LPIN1: variants seen among roughly 807,000 people sequenced by gnomAD.
LPIN1 encodes lipin 1, also known as phosphatidate phosphatase LPIN1.
Under a neutral mutation model 107.5 loss-of-function variants are expected in LPIN1, and 71 were observed. That is an observed-to-expected ratio of 0.66 (90% confidence interval 0.55 to 0.80). The LOEUF (loss-of-function observed/expected upper bound fraction) is 0.80. Among genes scored for constraint, LPIN1 ranks in the 30% least tolerant of loss-of-function variants. The pLI, the probability that LPIN1 is intolerant of heterozygous loss-of-function variation, is 0.00. For synonymous variants in LPIN1, 445 were observed against 452.6 expected, an observed-to-expected ratio of 0.98 and a Z score of 0.21; for missense variants, 1,043 against 1,160.6, an observed-to-expected ratio of 0.90 and a Z score of 1.47.
At chr2:11,746,201 G>A (rs955779763), upstream of LPIN1, 2 of 152,360 alleles carry the variant, frequency 1.3e-5, no homozygotes, top group Non-Finnish European at 2.9e-5. Flanking sequence ...GAAGGGCGAG[G>A]GTCAGTAAAG....
intron 1 of LPIN1, among the ~76,000 whole-genome samples, chr2:11,738,765 A>G (rs1666045165): frequency 6.6e-6 from 1 of 152,204 alleles, no homozygotes; most frequent in African/African-American, 2.4e-5. Flanking sequence ...TAGAATTTGC[A>G]GGGCAGAGAT....
chr2:11,677,592 G>A, upstream of LPIN1: 3 of 1,315,262 alleles, frequency 2.3e-6, no homozygotes, highest in South Asian at 1.3e-5. Context: ...GTTGCCGGGG[G>A]ACATTTCTCT....
At chr2:11,787,674 G>A (rs1674880529) in intron 11 of LPIN1, among the ~76,000 whole-genome samples, 1 of 152,062 alleles carries the variant, frequency 6.6e-6, no homozygotes, top group African/African-American at 2.4e-5. Context: ...GGGCGCAGTG[G>A]CTGGCGCCTG....
chr2:11,801,604 T>C (rs989084983), intron 14 of LPIN1, among the ~76,000 whole-genome samples: 2 of 151,744 alleles, frequency 1.3e-5, no homozygotes. Context: ...CTGGGAAGGG[T>C]AGAGGGGAGA....
chr2:11,788,124 G>A (rs965415300), intron 11 of LPIN1, among the ~76,000 whole-genome samples: 6 of 152,112 alleles, frequency 3.9e-5, no homozygotes, highest in African/African-American at 1.4e-4. Context: ...GCAGCTGTAC[G>A]GTGGGATTTG....
chr2:11,755,831 C>T (rs759987682), intron 1 of LPIN1, among the ~76,000 whole-genome samples: 49 of 152,042 alleles, frequency 3.2e-4, no homozygotes, highest in Non-Finnish European at 5.7e-4. Context: ...AAGCGACTCT[C>T]CTGCCTCAGC....
At chr2:11,821,546 G>A (rs1174660128) in intron 20 of LPIN1, among the ~76,000 whole-genome samples, 1 of 152,192 alleles carries the variant, frequency 6.6e-6, no homozygotes, top group Non-Finnish European at 1.5e-5. Flanking sequence ...GGCCTTAGTG[G>A]CCCCAGATAG....
At chr2:11,725,085 T>C (rs144015240) in intron 1 of LPIN1, among the ~76,000 whole-genome samples, 4,002 of 151,942 alleles carry the variant, frequency 0.026, 118 homozygotes, top group African/African-American at 0.075. Flanking sequence ...AACAGTGAAA[T>C]CCCATCTCTA....
At chr2:11,695,093 T>C (rs73179375) in intron 1 of LPIN1, among the ~76,000 whole-genome samples, 5,507 of 152,316 alleles carry the variant, frequency 0.036, 163 homozygotes, top group African/African-American at 0.08. Flanking sequence ...TGAGAGCCTA[T>C]GATGTGCTGA....
At chr2:11,792,850 G>A (rs868122051) in intron 13 of LPIN1, among the ~76,000 whole-genome samples, 1 of 152,124 alleles carries the variant, frequency 6.6e-6, no homozygotes. Context: ...TGAAGCGCTT[G>A]CTTTGCTTGG....
upstream of LPIN1, among the ~76,000 whole-genome samples, chr2:11,721,176 T>C (rs1265639872): frequency 1.3e-5 from 2 of 152,060 alleles, no homozygotes; most frequent in Non-Finnish European, 2.9e-5. Context: ...TAATTCCTTC[T>C]TATGAAATGA....
intron 1 of LPIN1, among the ~76,000 whole-genome samples, chr2:11,733,085 C>T (rs1306889219): frequency 1.3e-5 from 2 of 152,122 alleles, no homozygotes; most frequent in Non-Finnish European, 2.9e-5. Context: ...CATTCCCACT[C>T]CCCAGAAATG....
chr2:11,766,327 A>C (rs1335411551), intron 2 of LPIN1, among the ~76,000 whole-genome samples: 1 of 152,172 alleles, frequency 6.6e-6, no homozygotes, highest in East Asian at 1.9e-4. Flanking sequence ...GGGAGGAGAA[A>C]TAGGCTTTTC....
intron 14 of LPIN1, 58 bp downstream of exon 14, chr2:11,795,545 C>T (rs1382044220): frequency 2.0e-5 from 29 of 1,441,408 alleles, no homozygotes; most frequent in African/African-American, 2.8e-5. Context: ...AAGTTCATGG[C>T]GTGTGCTGCC....
Position 11,697,061 on chromosome 2 carries a change from T to G in LPIN1, c.82-16695T>G, listed in dbSNP as rs1662623370. 6.6e-6 allele frequency among the ~76,000 whole-genome samples: 1 copy of G among 152,234 alleles called. No homozygotes were observed. The highest frequency in any genetic ancestry group is 1.5e-5 in the Non-Finnish European group (1 of 68,050). On this transcript the variant is annotated intron_variant, in intron 1 of 21. Transcript: ENST00000449576. This position sits in a 1 kb window ranked among gnomAD's most constrained non-coding sequence, Gnocchi z 4.6. ...CCCCCACCTGTGGCCCAGGGAAGGC[T>G]CTTTGTTCCTCAGCCCCAAGCTGTA... is the stretch of plus-strand genomic sequence containing the variant.
At chr2:11,775,834 A>G (rs1672572319) in intron 5 of LPIN1, among the ~76,000 whole-genome samples, 1 of 148,404 alleles carries the variant, frequency 6.7e-6, no homozygotes, top group African/African-American at 2.5e-5. Flanking sequence ...TACGTAATAT[A>G]TATAATCTTT....
chr2:11,730,199 G>A (rs1049844944), intron 1 of LPIN1, among the ~76,000 whole-genome samples: 1 of 151,958 alleles, frequency 6.6e-6, no homozygotes, highest in Admixed American at 6.6e-5. Flanking sequence ...CTGTGTTTCA[G>A]TTTGGGTAAT....
chr2:11,752,433 ATTTTT>A (rs34156190), intron 1 of LPIN1, among the ~76,000 whole-genome samples: 1 of 103,914 alleles, frequency 9.6e-6, no homozygotes, highest in African/African-American at 5.7e-5. Flanking sequence ...TTCCAAGGCC[ATTTTT>A]TTTTTTTTTT....
chr2:11,723,970 G>A (rs953679295), upstream of LPIN1: 1 of 152,014 alleles, frequency 6.6e-6, no homozygotes, highest in African/African-American at 2.4e-5. Context: ...AAACTTAGCC[G>A]AGATACCATC....
Sources: allele counts gnomAD v4.1 joint callset (sites outside exome capture counted in the v4.1 genomes callset), GRCh38; gene constraint gnomAD v4.1.1; non-coding constraint Gnocchi (gnomAD v3.1); transcripts MANE v1.5; gene names NCBI Gene and HGNC (gene_info 2026-07-23, HGNC 2026-07-21).